DGKI: variants seen among roughly 807,000 people sequenced by gnomAD.
DGKI encodes the protein DAG kinase iota.
In DGKI, 55 loss-of-function variants were observed where a neutral mutation model predicts 147.5. The ratio of observed to expected loss-of-function variants is 0.37; its 90% CI spans 0.30 to 0.47. The LOEUF is 0.47. Among genes scored for constraint, DGKI ranks in the 20% least tolerant of loss-of-function variants. The probability of loss-of-function intolerance (pLI) is 1.00; values close to 1 mark genes in which losing one functional copy is unlikely to be tolerated. For synonymous variants in DGKI, 469 were observed against 477.1 expected (o/e 0.98, Z 0.22); for missense variants, 1,007 against 1,323.8 (o/e 0.76, Z 3.71).
At chr7:137,500,988 A>G (rs1472120126) in intron 21 of DGKI, among the ~76,000 whole-genome samples, 2 of 152,118 alleles carry the variant, frequency 1.3e-5, no homozygotes, top group Admixed American at 6.6e-5. Flanking sequence ...CTGTATTTGC[A>G]CACCCATTGA....
chr7:137,467,303 T>C (rs1229154295), intron 24 of DGKI, among the ~76,000 whole-genome samples: 1 of 152,258 alleles, frequency 6.6e-6, no homozygotes, highest in African/African-American at 2.4e-5. Flanking sequence ...TTATACAGAC[T>C]ATCTTCACAG....
intron 19 of DGKI, among the ~76,000 whole-genome samples, chr7:137,559,648 T>G (rs539181411): frequency 3.9e-5 from 6 of 152,300 alleles, no homozygotes; most frequent in Non-Finnish European, 7.4e-5. Context: ...TACATGTGTC[T>G]TTTTTCACTT....
chr7:137,532,690 A>T (rs1013252453), intron 20 of DGKI, among the ~76,000 whole-genome samples: 1 of 152,142 alleles, frequency 6.6e-6, no homozygotes, highest in African/African-American at 2.4e-5. Flanking sequence ...AGAAGGAATA[A>T]TTGAGAGTCC....
intron 1 of DGKI, among the ~76,000 whole-genome samples, chr7:137,731,365 ATC>A (rs1794879513): frequency 6.6e-6 from 1 of 152,088 alleles, no homozygotes. Flanking sequence ...CAAGAATTTT[ATC>A]TGTTTTGCTT....
chr7:137,435,889 C>A (rs969321604), intron 28 of DGKI, among the ~76,000 whole-genome samples: 1 of 152,174 alleles, frequency 6.6e-6, no homozygotes, highest in East Asian at 1.9e-4. Context: ...AAATGCTTCT[C>A]TTCCCTCAGC....
At chr7:137,763,073 G>T (rs1795908689) in intron 1 of DGKI, among the ~76,000 whole-genome samples, 1 of 152,172 alleles carries the variant, frequency 6.6e-6, no homozygotes. Flanking sequence ...TTTCAAATCA[G>T]GGGCCAAGGT....
At chr7:137,559,869 C>A (rs1364367) in intron 19 of DGKI, among the ~76,000 whole-genome samples, 16,636 of 152,066 alleles carry the variant, frequency 0.11, 2,052 homozygotes, top group African/African-American at 0.3. Context: ...AATATTCTGG[C>A]AGTATAGTGA....
intron 28 of DGKI, among the ~76,000 whole-genome samples, chr7:137,415,739 C>T (rs1731965): frequency 0.94 from 142,561 of 152,044 alleles, 67,502 homozygotes; most frequent in East Asian, 1. Flanking sequence ...CCCAGCACTT[C>T]AGGAGGCCAA....
rs143620284 is a variant in DGKI, at chr7:137,766,547, G to A, written c.402-76545C>T. 2.0e-4 allele frequency among the ~76,000 whole-genome samples: 30 copies of A among 152,272 alleles called. No homozygotes were observed. The East Asian group carries it at 4.2e-3, about 22-fold the overall frequency. ...CAAGAAAAAGCAAGCCAATTTGCAC[G>A]GAGCCCCTCAGAAAAGCTGAGGAAT... On this transcript the variant is annotated intron_variant, in intron 1 of 32. Transcript: ENST00000614521.
rs1341734727 is a variant in DGKI, at chr7:137,519,967, G to T, written c.2248+1899C>A. Among the ~76,000 whole-genome samples, 49 of 151,996 alleles carry T rather than the reference G, an allele frequency of 3.2e-4. 1 individual carries two copies. On this transcript the variant is annotated intron_variant, in intron 21 of 32. Transcript: ENST00000614521. ...TGTTCTTTGGGGTCCCAAAGACACT[G>T]TTCAATTTATTTGGCTTACATTTAT...
chr7:137,759,144 T>C (rs568511875), intron 1 of DGKI, among the ~76,000 whole-genome samples: 10 of 152,218 alleles, frequency 6.6e-5, no homozygotes, highest in South Asian at 2.1e-4. Context: ...TCTCAGTGTC[T>C]ATTACTTTCA....
intron 2 of DGKI, among the ~76,000 whole-genome samples, chr7:137,680,392 A>G (rs1034114262): frequency 6.6e-6 from 1 of 152,212 alleles, no homozygotes; most frequent in South Asian, 2.1e-4. Context: ...ATGAAAACCC[A>G]TCTTATACAT....
intron 1 of DGKI, chr7:137,721,978 T>A (rs1295384569): frequency 6.6e-7 from 1 of 1,510,146 alleles, no homozygotes; most frequent in African/African-American, 1.4e-5. Flanking sequence ...CTCTTTCCCA[T>A]CTTGCAAGAT....
chr7:137,735,989 T>C (rs909373395), intron 1 of DGKI, among the ~76,000 whole-genome samples: 3 of 152,018 alleles, frequency 2.0e-5, no homozygotes, highest in Admixed American at 6.6e-5. Context: ...TGGCTGAAAA[T>C]GACAGTAGGA....
intron 3 of DGKI, among the ~76,000 whole-genome samples, chr7:137,665,066 G>A (rs994289490): frequency 2.0e-4 from 31 of 152,318 alleles, no homozygotes; most frequent in African/African-American, 7.2e-4. Flanking sequence ...CTAAGGAGTG[G>A]CTGGGGGCCA....
chr7:137,558,647 TATTA>T (rs921306904), intron 19 of DGKI, among the ~76,000 whole-genome samples: 2 of 111,352 alleles, frequency 1.8e-5, no homozygotes, highest in African/African-American at 8.6e-5. Flanking sequence ...GTAGTGGTGG[TATTA>T]ATTATTGTCC....
rs148130947 is a variant in DGKI at position 137,456,054 on chromosome 7, T to C, written c.2735+7435A>G. Among the ~76,000 whole-genome samples the C allele has an allele frequency of 6.1e-4, 93 of 152,276 alleles. 1 individual carries two copies. Among genetic ancestry groups the C allele is most frequent in the African/African-American group, 1.3e-3 (56 of 41,546 alleles). ...TGCAGCCGGGGACCAACAGTTTATT[T>C]TGGAGGTGAATGCCTGGGAAACAAT... On this transcript the variant is annotated intron_variant, in intron 27 of 32. Coordinates refer to ENST00000614521, the MANE Select transcript of DGKI (RefSeq NM_001321708.2).
intron 23 of DGKI, among the ~76,000 whole-genome samples, chr7:137,480,058 G>A (rs113653090): frequency 6.6e-6 from 1 of 152,082 alleles, no homozygotes; most frequent in South Asian, 2.1e-4. Flanking sequence ...TGGGGTAGAA[G>A]ATAGAAATAA....
intron 28 of DGKI, among the ~76,000 whole-genome samples, chr7:137,440,247 T>C (rs1330494721): frequency 1.3e-5 from 2 of 152,214 alleles, no homozygotes; most frequent in Non-Finnish European, 2.9e-5. Flanking sequence ...GATGTAACAT[T>C]AAAACTTAAT....
Sources: gnomAD v4.1 joint callset for allele counts (sites outside exome capture counted in the v4.1 genomes callset) on GRCh38, gnomAD v4.1.1 for gene constraint, MANE v1.5 for transcripts, NCBI Gene and HGNC (gene_info 2026-07-23, HGNC 2026-07-21) for gene names.